Variants in C1QTNF3 observed in about 807,000 individuals in gnomAD.
C1QTNF3 encodes complement C1q tumor necrosis factor-related protein 3.
Under a neutral mutation model 32.6 loss-of-function variants are expected in C1QTNF3, and 26 were observed. The observed-to-expected ratio is 0.80, with a 90% CI of 0.58 to 1.11. The LOEUF is 1.11. C1QTNF3 is among the 50% of genes least tolerant of loss of function. C1QTNF3 has a pLI of 0.00. For synonymous variants in C1QTNF3, 155 were observed against 146.0 expected (o/e 1.06, Z -0.44); for missense variants, 362 against 398.2 (o/e 0.91, Z 0.77).
At chr5:34,154,339 T>C in the C1QTNF3 span, among the ~76,000 whole-genome samples, 1 of 152,208 alleles carries the variant, frequency 6.6e-6, no homozygotes, top group African/African-American at 2.4e-5. Flanking sequence ...TTTGTAAAGC[T>C]TTCAAAATAG....
At chr5:34,090,492 GA>G in the C1QTNF3 span, among the ~76,000 whole-genome samples, 1 of 150,652 alleles carries the variant, frequency 6.6e-6, no homozygotes, top group African/African-American at 2.4e-5. Context: ...ATTTTTCATA[GA>G]GCAGATACTC....
chr5:34,053,182 G>A, the C1QTNF3 span, among the ~76,000 whole-genome samples: 1 of 152,146 alleles, frequency 6.6e-6, no homozygotes, highest in Non-Finnish European at 1.5e-5. Context: ...AAATAATGGA[G>A]CTGCTCTGTC....
At chr5:34,102,190 A>G in the C1QTNF3 span, among the ~76,000 whole-genome samples, 33 of 152,170 alleles carry the variant, frequency 2.2e-4, no homozygotes, top group African/African-American at 7.7e-4. Context: ...AAGATAACGA[A>G]TATTACCTTT....
chr5:34,156,424 A>G, the C1QTNF3 span, among the ~76,000 whole-genome samples: 2 of 152,226 alleles, frequency 1.3e-5, no homozygotes, highest in Non-Finnish European at 2.9e-5. Flanking sequence ...AAATCATAGT[A>G]TTTATACTGT....
the C1QTNF3 span, among the ~76,000 whole-genome samples, chr5:34,229,136 G>A: frequency 2.0e-5 from 3 of 151,972 alleles, no homozygotes; most frequent in African/African-American, 7.2e-5. Context: ...CAGCACTTAC[G>A]GATCTTTAAT....
the C1QTNF3 span, among the ~76,000 whole-genome samples, chr5:34,053,581 G>C: frequency 1.3e-5 from 2 of 152,196 alleles, no homozygotes; most frequent in African/African-American, 2.4e-5. Context: ...TAATCATCCA[G>C]TTTTTATGCA....
At chr5:34,201,081 G>A in the C1QTNF3 span, among the ~76,000 whole-genome samples, 70 of 152,110 alleles carry the variant, frequency 4.6e-4, 1 homozygote, top group African/African-American at 1.5e-3. Flanking sequence ...GCTCCGTAAT[G>A]TTGGGCTTGT....
At chr5:34,108,173 T>C in the C1QTNF3 span, among the ~76,000 whole-genome samples, 3 of 152,128 alleles carry the variant, frequency 2.0e-5, no homozygotes, top group African/African-American at 7.2e-5. Context: ...CATGTTTTTT[T>C]GTTATCGCTA....
At position 34,033,301 on chromosome 5, in the gene C1QTNF3, T is replaced by TA; in HGVS notation, c.570+2dup. 6.2e-7 allele frequency: 1 copy of TA among 1,613,614 alleles called. No individual in the cohort carries two copies. The highest frequency in any genetic ancestry group is 8.5e-7 in the Non-Finnish European group (1 of 1,179,828). On this transcript the variant is annotated splice_region_variant and intron_variant, in intron 3 of 5. Coordinates refer to ENST00000382065, the MANE Select transcript of C1QTNF3 (RefSeq NM_181435.6). ...ACCAGGAGATGTACCGAGGATGGTT[T>TA]ACCTGAAGTTCTGGTGGAATCCCCG...
the C1QTNF3 span, among the ~76,000 whole-genome samples, chr5:34,144,419 G>A: frequency 1.3e-5 from 2 of 152,146 alleles, no homozygotes; most frequent in Admixed American, 1.3e-4. Flanking sequence ...CTTGACACTA[G>A]ACCAAATGTA....
At chr5:34,056,454 G>GTGTGTGTGTA in the C1QTNF3 span, among the ~76,000 whole-genome samples, 37 of 48,932 alleles carry the variant, frequency 7.6e-4, no homozygotes, top group South Asian at 9.0e-4. Context: ...GTGTGTGTGT[G>GTGTGTGTGTA]TATATATATA....
the C1QTNF3 span, chr5:34,165,295 T>A: frequency 6.6e-6 from 1 of 152,206 alleles, no homozygotes; most frequent in African/African-American, 2.4e-5. Flanking sequence ...AGACAACCTA[T>A]CCTGGAACTT....
the C1QTNF3 span, among the ~76,000 whole-genome samples, chr5:34,235,377 T>C: frequency 6.6e-6 from 1 of 152,114 alleles, no homozygotes; most frequent in South Asian, 2.1e-4. Context: ...GTGGTGATGC[T>C]ACTGGTATGT....
the C1QTNF3 span, among the ~76,000 whole-genome samples, chr5:34,120,722 C>T: frequency 3.3e-5 from 5 of 152,306 alleles, no homozygotes; most frequent in South Asian, 1.0e-3. Context: ...CCATGTGAGA[C>T]ATGCCTTTCA....
chr5:34,043,075 G>C lies in C1QTNF3; in HGVS notation c.51C>G (p.Leu17=). The C allele has an allele frequency of 6.2e-7, 1 of 1,613,920 alleles. No individual in the cohort carries two copies. Among genetic ancestry groups the C allele is most frequent in the Non-Finnish European group, 8.5e-7 (1 of 1,180,022 alleles). The change falls in exon 1 of 6, where the codon CTC becomes CTG. Residue 17 remains leucine, a synonymous_variant. Coordinates refer to ENST00000382065, the MANE Select transcript of C1QTNF3 (RefSeq NM_181435.6). The part of the protein sequence containing the change: ...IYWQLLALFF[L]PFCLCQDEYM... The stretch of plus-strand genomic sequence containing the variant: ...ATTCATCTTGACACAGGCAAAAAGG[G>C]AGGAAAAACAAAGCCAGCAGTTGCC...
the C1QTNF3 span, among the ~76,000 whole-genome samples, chr5:34,072,360 T>TAAA: frequency 1.8e-5 from 1 of 54,844 alleles, no homozygotes; most frequent in African/African-American, 5.4e-5. Context: ...AGCAGAAAAT[T>TAAA]AAAAAAGAAA....
chr5:34,159,666 C>T, the C1QTNF3 span, among the ~76,000 whole-genome samples: 1 of 151,768 alleles, frequency 6.6e-6, no homozygotes, highest in Non-Finnish European at 1.5e-5. Context: ...AGTTCTTTAT[C>T]TTCAAATATA....
intron 1 of C1QTNF3, among the ~76,000 whole-genome samples, chr5:34,037,442 C>T (rs7707095): frequency 1 from 152,207 of 152,386 alleles, 76,015 homozygotes; most frequent in Middle Eastern, 1. Context: ...CAGTTAAACA[C>T]TTAGACCTTA....
chr5:34,031,615 T>C (rs1019307366), intron 3 of C1QTNF3, among the ~76,000 whole-genome samples: 1 of 152,112 alleles, frequency 6.6e-6, no homozygotes, highest in African/African-American at 2.4e-5. Context: ...GGCCGATCAC[T>C]GGAGGCCAGG....
Sources: gnomAD v4.1 joint callset for allele counts (sites outside exome capture counted in the v4.1 genomes callset) on GRCh38, gnomAD v4.1.1 for gene constraint, MANE v1.5 for transcripts, NCBI Gene and HGNC (gene_info 2026-07-23, HGNC 2026-07-21) for gene names.